Variants in SC5D observed in about 807,000 individuals in gnomAD.
SC5D encodes sterol-C5-desaturase.
A neutral mutation model predicts 23.9 loss-of-function variants in SC5D; 21 were observed. The observed-to-expected ratio is 0.88, with a 90% CI of 0.62 to 1.26. The LOEUF is 1.26. Among genes scored for constraint, SC5D ranks in the 50% most tolerant of loss-of-function variants. The pLI, the probability that SC5D is intolerant of heterozygous loss-of-function variation, is 0.00. For missense variants in SC5D, 309 were observed against 364.8 expected, an observed-to-expected ratio of 0.85 and a Z score of 1.25; for synonymous variants, 113 against 125.9, an observed-to-expected ratio of 0.90 and a Z score of 0.68.
rs1341197341 is a variant in SC5D, at chr11:121,313,375, A to G, written c.*5863A>G. 1.3e-5 allele frequency among the ~76,000 whole-genome samples: 2 copies of G among 152,136 alleles called. No individual in the cohort carries two copies. The highest frequency in any genetic ancestry group is 2.9e-5 in the Non-Finnish European group (2 of 68,014). ...TTTGTGTTATTTCCAGCGTGGGATT[A>G]TTATGAATAAAGTTGCTACAAACAT... On this transcript the variant is annotated 3_prime_UTR_variant, in exon 5 of 5. Transcript: ENST00000264027.
intron 3 of SC5D, chr11:121,304,716 G>A (rs971185450): frequency 2.6e-5 from 13 of 495,934 alleles, no homozygotes; most frequent in Admixed American, 9.7e-5. Flanking sequence ...TGTGTCTGGC[G>A]GAAGATTGGA....
chr11:121,293,955 C>T (rs912736577), intron 1 of SC5D, among the ~76,000 whole-genome samples: 2 of 152,130 alleles, frequency 1.3e-5, no homozygotes, highest in African/African-American at 4.8e-5. Context: ...ATACTCTGAC[C>T]TCAGTTTCCC....
At chr11:121,306,841 C>G in intron 4 of SC5D, 1 of 645,396 alleles carries the variant, frequency 1.5e-6, no homozygotes, top group Non-Finnish European at 2.8e-6. Context: ...GACTTCACCA[C>G]TGTGCAGTAT....
Position 121,307,612 on chromosome 11 carries a change from A to G in SC5D, c.*100A>G, listed in dbSNP as rs570600004. ...AATAATATCCATACAGTCAAGATAC[A>G]TAGTAAATGGTATCATTTGGAAATC... On this transcript the variant is annotated 3_prime_UTR_variant, in exon 5 of 5. Transcript: ENST00000264027. 27 of 778,112 alleles carry G rather than the reference A, an allele frequency of 3.5e-5. No individual in the cohort carries two copies. In the South Asian group the frequency reaches 4.4e-4, roughly 13 times the overall value. 48.2% of individuals were successfully genotyped at this position (778,112 alleles called of 1,614,324 possible).
rs1208091622 is a variant in SC5D at position 121,303,367 on chromosome 11, G to C, written c.-9G>C. ...TTGTCACACATGCTTATTTTTTAGG[G>C]GCTAAGTGATGGATCTTGTACTCCG... is the stretch of plus-strand genomic sequence containing the variant. On this transcript the variant is annotated splice_region_variant and 5_prime_UTR_variant, in exon 2 of 5. Coordinates refer to ENST00000264027, the MANE Select transcript of SC5D (RefSeq NM_006918.5). 5.0e-6 allele frequency: 8 copies of C among 1,613,196 alleles called. No individual in the cohort carries two copies. Among genetic ancestry groups the C allele is most frequent in the Non-Finnish European group, 6.8e-6 (8 of 1,179,312 alleles).
chr11:121,300,849 G>C (rs553514429), intron 1 of SC5D, among the ~76,000 whole-genome samples: 1 of 152,316 alleles, frequency 6.6e-6, no homozygotes, highest in East Asian at 1.9e-4. Flanking sequence ...GGCAAAGGCT[G>C]GGGGACTTAA....
intron 1 of SC5D, among the ~76,000 whole-genome samples, chr11:121,295,616 T>C (rs988090058): frequency 6.6e-6 from 1 of 152,184 alleles, no homozygotes; most frequent in African/African-American, 2.4e-5. Flanking sequence ...AGCTGTCTTA[T>C]TTAGGAATAA....
rs1389562306 is a variant in SC5D, at chr11:121,292,815, A to AGGTGGGGAC, written c.-11+6_-11+14dup. 1.5e-3 allele frequency: 234 copies of AGGTGGGGAC among 152,646 alleles called. No homozygotes were observed. The highest frequency in any genetic ancestry group is 5.4e-3 in the African/African-American group (223 of 41,558). 9.5% of individuals were successfully genotyped at this position (152,646 alleles called of 1,614,324 possible). A position where few individuals can be genotyped will look rare whatever the true frequency, so the allele number is the denominator to read the frequency against. On this transcript the variant is annotated splice_region_variant and 5_prime_UTR_variant, in exon 1 of 5. Coordinates refer to ENST00000264027, the MANE Select transcript of SC5D (RefSeq NM_006918.5). ...TGCGGAGCGGCGGCGGACCACCTCCAGGTGGGGACGGTGGGTGGGCGGGGA... is the reference window on the plus strand; with the variant it reads ...TGCGGAGCGGCGGCGGACCACCTCCAGGTGGGGACGGTGGGGACGGTGGGTGGGCGGGGA...
chr11:121,307,130 G>A lies in SC5D; in HGVS notation c.518G>A (p.Gly173Asp). ...FASHAFHPID[G>D]FLQSLPYHIY... is the part of the protein sequence containing the mutation. The stretch of plus-strand genomic sequence containing the variant: ...AGTCATGCTTTTCACCCTATTGATG[G>A]CTTTCTTCAGAGTCTACCTTACCAT... Residue 173 changes from glycine to aspartate, a missense_variant, in exon 5 of 5, where the codon GGC (glycine) becomes GAC (aspartate). Physicochemically the swap from Gly to Asp is moderately conservative, Grantham distance 94 (BLOSUM62 -1). Coordinates refer to ENST00000264027, the MANE Select transcript of SC5D (RefSeq NM_006918.5). 1 of 1,613,998 alleles carries A rather than the reference G, an allele frequency of 6.2e-7. No individual in the cohort carries two copies. The highest frequency in any genetic ancestry group is 2.2e-5 in the East Asian group (1 of 44,876).
chr11:121,296,224 C>CT (rs1002196747), intron 1 of SC5D, among the ~76,000 whole-genome samples: 2 of 152,130 alleles, frequency 1.3e-5, no homozygotes, highest in African/African-American at 4.8e-5. Flanking sequence ...CTGATTGTAT[C>CT]TTTTTCCTAC....
rs1947994799 is a variant in SC5D, at chr11:121,309,678, A to T, written c.*2166A>T. 6.6e-6 allele frequency among the ~76,000 whole-genome samples: 1 copy of T among 152,216 alleles called. No individual in the cohort carries two copies. The highest frequency in any genetic ancestry group is 1.5e-5 in the Non-Finnish European group (1 of 68,032). On this transcript the variant is annotated 3_prime_UTR_variant, in exon 5 of 5. Coordinates refer to ENST00000264027, the MANE Select transcript of SC5D (RefSeq NM_006918.5). ...CAGAGGCTTCCTCATAGATGTTAGGAATAATCAAACTTGCCCCTGCCCTTT... is the reference window on the plus strand; with the variant it reads ...CAGAGGCTTCCTCATAGATGTTAGGTATAATCAAACTTGCCCCTGCCCTTT...
At chr11:121,296,090 C>G (rs1947887117) in intron 1 of SC5D, among the ~76,000 whole-genome samples, 2 of 152,090 alleles carry the variant, frequency 1.3e-5, no homozygotes, top group African/African-American at 4.8e-5. Flanking sequence ...AGGCTGGTCT[C>G]GAACTCCTGG....
chr11:121,308,482 C>T lies in SC5D; in HGVS notation c.*970C>T, dbSNP rs988372620. On this transcript the variant is annotated 3_prime_UTR_variant, in exon 5 of 5. Coordinates refer to ENST00000264027, the MANE Select transcript of SC5D (RefSeq NM_006918.5). ...CTAAAATCTTATTCCTCCTCTTCTC[C>T]CCTCACTTTTCCCTACTTCCTCTGC... is the stretch of plus-strand genomic sequence containing the variant. The T allele has an allele frequency of 7.2e-5, 11 of 152,304 alleles. No individual in the cohort carries two copies. Among genetic ancestry groups the T allele is most frequent in the Non-Finnish European group, 2.9e-5 (2 of 68,012 alleles). 9.4% of individuals were successfully genotyped at this position (152,304 alleles called of 1,614,324 possible). A position where few individuals can be genotyped will look rare whatever the true frequency, so the allele number is the denominator to read the frequency against.
In SC5D at chr11:121,311,411, A is replaced by G. The variant is rs1012223099; in HGVS notation, c.*3899A>G. Among the ~76,000 whole-genome samples, 1 of 152,224 alleles carries G rather than the reference A, an allele frequency of 6.6e-6. No individual in the cohort carries two copies. ...GAAATCAAAGATGGTCCCTACATCAAGGATAAACTATCTTTTTTTAGTCAC... is the reference window on the plus strand; with the variant it reads ...GAAATCAAAGATGGTCCCTACATCAGGGATAAACTATCTTTTTTTAGTCAC... On this transcript the variant is annotated 3_prime_UTR_variant, in exon 5 of 5. Coordinates refer to ENST00000264027, the MANE Select transcript of SC5D (RefSeq NM_006918.5).
Position 121,303,506 on chromosome 11 carries a change from T to TC in SC5D, c.133dup (p.Leu45ProfsTer34). On this transcript the variant is annotated frameshift_variant, in exon 2 of 5. Coordinates refer to ENST00000264027, the MANE Select transcript of SC5D (RefSeq NM_006918.5). LOFTEE classifies it high-confidence loss of function. ...ATTGTAACAAATGTTGGTGCTTACA[T>TC]CCTTTATTTCTTCTGTGCAACACTG... 2.5e-6 allele frequency: 4 copies of TC among 1,613,990 alleles called. No homozygotes were observed. The highest frequency in any genetic ancestry group is 3.4e-6 in the Non-Finnish European group (4 of 1,179,902).
intron 2 of SC5D, 38 bp downstream of exon 2, chr11:121,303,623 T>A: frequency 6.9e-7 from 1 of 1,450,370 alleles, no homozygotes; most frequent in Non-Finnish European, 9.7e-7. Flanking sequence ...ACGATTAAAG[T>A]AAAAATAACA....
intron 4 of SC5D, 51 bp from the exon 5 acceptor site, chr11:121,307,006 T>C (rs1219088196): frequency 2.0e-6 from 3 of 1,473,158 alleles, no homozygotes; most frequent in East Asian, 2.3e-5. Context: ...CTAAGTTGAA[T>C]GTTGCACGGG....
intron 1 of SC5D, among the ~76,000 whole-genome samples, chr11:121,302,383 G>A (rs994961316): frequency 6.6e-5 from 10 of 152,112 alleles, no homozygotes; most frequent in East Asian, 1.9e-4. Flanking sequence ...TGAGTGAGTC[G>A]ATCATAAATG....
At chr11:121,297,235 T>C (rs546265360) in intron 1 of SC5D, among the ~76,000 whole-genome samples, 23 of 152,342 alleles carry the variant, frequency 1.5e-4, no homozygotes, top group Admixed American at 1.4e-3. Flanking sequence ...TCAGCTCTTC[T>C]TTTAGAAATC....
Sources: gnomAD v4.1 joint callset for allele counts (sites outside exome capture counted in the v4.1 genomes callset) on GRCh38, gnomAD v4.1.1 for gene constraint, MANE v1.5 for transcripts, NCBI Gene and HGNC (gene_info 2026-07-23, HGNC 2026-07-21) for gene names.